MYO9A: variants seen among roughly 807,000 people sequenced by gnomAD.
The protein encoded by MYO9A is unconventional myosin-IXa.
Under a neutral mutation model 293.3 loss-of-function variants are expected in MYO9A, and 103 were observed. The ratio of observed to expected loss-of-function variants is 0.35; its 90% CI spans 0.30 to 0.41. MYO9A has a LOEUF of 0.41. MYO9A is among the 10% of genes least tolerant of loss of function. The pLI is 1.00. For missense variants in MYO9A, 2,685 were observed against 3,033.0 expected (o/e 0.89, Z 2.69); for synonymous variants, 1,001 against 1,035.7 (o/e 0.97, Z 0.64).
intron 4 of MYO9A, among the ~76,000 whole-genome samples, chr15:72,027,241 T>C (rs1462921129): frequency 6.6e-6 from 1 of 152,222 alleles, no homozygotes; most frequent in Non-Finnish European, 1.5e-5. Flanking sequence ...GCATACCCAA[T>C]ATTTGAATGG....
intron 6 of MYO9A, among the ~76,000 whole-genome samples, chr15:72,017,134 C>T (rs2077367722): frequency 6.7e-6 from 1 of 150,366 alleles, no homozygotes; most frequent in African/African-American, 2.4e-5. Context: ...AATCTGCCTG[C>T]CTCAGCCTCC....
intron 13 of MYO9A, among the ~76,000 whole-genome samples, chr15:71,966,303 T>TGTGTGTGTGTGC (rs2075875961): frequency 6.6e-6 from 1 of 151,570 alleles, no homozygotes; most frequent in Admixed American, 6.6e-5. Context: ...TGTGTGTGTG[T>TGTGTGTGTGTGC]GTGTATGATT....
intron 1 of MYO9A, among the ~76,000 whole-genome samples, chr15:72,079,768 T>C (rs2079483009): frequency 6.6e-6 from 1 of 152,232 alleles, no homozygotes; most frequent in South Asian, 2.1e-4. Flanking sequence ...TATTAGGTTT[T>C]ATACTACATT....
intron 1 of MYO9A, among the ~76,000 whole-genome samples, chr15:72,050,306 T>A (rs1387439053): frequency 6.6e-6 from 1 of 151,946 alleles, no homozygotes; most frequent in Non-Finnish European, 1.5e-5. Flanking sequence ...TCTGGGGAGC[T>A]TTTTCAAAAC....
In MYO9A at chr15:71,959,989, A is replaced by G; in HGVS notation, c.2094T>C (p.Ala698=). 1 of 1,614,136 alleles carries G rather than the reference A, an allele frequency of 6.2e-7. No individual in the cohort carries two copies. ...CTCGGAGAATTGCCCATCGGAAAAC[A>G]GCTACAGGATCAATTCCAATCATCC... ...ISGMIGIDPV[A]VFRWAILRAF... The change falls in exon 14 of 42, where the codon GCT becomes GCC. Residue 698 remains alanine, a synonymous_variant. Transcript: ENST00000356056.
chr15:72,019,146 C>A, intron 5 of MYO9A, 51 bp from the exon 6 acceptor site: 1 of 1,454,522 alleles, frequency 6.9e-7, no homozygotes, highest in South Asian at 1.1e-5. Flanking sequence ...TTATACTCTT[C>A]TAATGATCTC....
intron 12 of MYO9A, among the ~76,000 whole-genome samples, chr15:71,973,541 C>G (rs1005961666): frequency 6.6e-6 from 1 of 152,082 alleles, no homozygotes; most frequent in Non-Finnish European, 1.5e-5. Context: ...ATTCCCAAGG[C>G]AACAGCCAGC....
At chr15:72,026,122 A>C (rs915989520) in intron 4 of MYO9A, among the ~76,000 whole-genome samples, 3 of 151,824 alleles carry the variant, frequency 2.0e-5, no homozygotes, top group Non-Finnish European at 4.4e-5. Flanking sequence ...AAATACAAAA[A>C]ATTAGCCAGG....
At position 71,904,028 on chromosome 15, in the gene MYO9A, C is replaced by G. The variant is rs2057558461; in HGVS notation, c.2778G>C (p.Arg926Ser). The change falls in exon 21 of 42, where the codon AGG (arginine) becomes AGC (serine). Residue 926 changes from arginine to serine, a missense_variant. Coordinates refer to ENST00000356056, the MANE Select transcript of MYO9A (RefSeq NM_006901.4). ...GTCTAAGTACCAAGACATCACTGAA[C>G]CTTAAGGGCAGCTAAAGCAAATGGA... ...IRSNAEKLPL[R>S]FSDVLVLRQL... is the part of the protein sequence containing the mutation. The G allele has an allele frequency of 2.5e-6, 4 of 1,613,346 alleles. No individual in the cohort carries two copies. The highest frequency in any genetic ancestry group is 1.3e-5 in the African/African-American group (1 of 74,908).
Position 71,897,798 on chromosome 15 carries a change from C to T in MYO9A, c.4705G>A (p.Gly1569Arg), listed in dbSNP as rs766425428. The stretch of plus-strand genomic sequence containing the variant: ...AGGGACCCCAGTACATTAAGTTCTC[C>T]CTTATTTGAGGTATTTAAGCTGAGG... ...SLLSLNTSNK[G>R]ELNVLGSLSL... The change falls in exon 25 of 42, where the codon GGA (glycine) becomes AGA (arginine). Residue 1569 changes from glycine (G) to arginine (R), a missense_variant. Physicochemically the swap from Gly to Arg is moderately radical, Grantham distance 125. This residue lies in a region of MYO9A where 1,434 missense variants were observed against 1,497.7 expected (regional missense o/e 0.96). Coordinates refer to ENST00000356056, the MANE Select transcript of MYO9A (RefSeq NM_006901.4). The T allele has an allele frequency of 1.9e-6, 3 of 1,613,986 alleles. No individual in the cohort carries two copies. The highest frequency in any genetic ancestry group is 2.5e-6 in the Non-Finnish European group (3 of 1,180,000).
At chr15:71,956,860 A>ATATATATATAT (rs2059213708) in intron 14 of MYO9A, among the ~76,000 whole-genome samples, 5 of 140,330 alleles carry the variant, frequency 3.6e-5, no homozygotes, top group African/African-American at 1.3e-4. Flanking sequence ...CACACACACA[A>ATATATATATAT]ATATATATAT....
intron 12 of MYO9A, chr15:71,972,163 A>G (rs1290975536): frequency 6.6e-6 from 1 of 152,136 alleles, no homozygotes; most frequent in Admixed American, 6.6e-5. Context: ...AATAGTGCCT[A>G]TGTAATGAAG....
intron 5 of MYO9A, among the ~76,000 whole-genome samples, chr15:72,019,719 A>G (rs2077445428): frequency 6.6e-6 from 1 of 152,222 alleles, no homozygotes; most frequent in Non-Finnish European, 1.5e-5. Flanking sequence ...AACACACTGT[A>G]TTAACTTGGA....
At chr15:72,041,161 C>T in intron 2 of MYO9A, 4 of 923,204 alleles carry the variant, frequency 4.3e-6, no homozygotes, top group Non-Finnish European at 5.1e-6. Context: ...GGGAGAATTG[C>T]TTAAGCCAGG....
chr15:71,873,142 C>T (rs2056572987), intron 32 of MYO9A, among the ~76,000 whole-genome samples: 1 of 151,906 alleles, frequency 6.6e-6, no homozygotes, highest in Admixed American at 6.6e-5. Context: ...GTCTCGAACT[C>T]CCGACCTCAG....
intron 14 of MYO9A, among the ~76,000 whole-genome samples, chr15:71,955,799 T>C (rs976109100): frequency 6.6e-6 from 1 of 152,150 alleles, no homozygotes; most frequent in South Asian, 2.1e-4. Context: ...ATTTTGATCA[T>C]ACAAAAAGAT....
At chr15:72,010,300 A>G (rs755426901) in intron 7 of MYO9A, 50 bp downstream of exon 7, 3 of 1,479,770 alleles carry the variant, frequency 2.0e-6, no homozygotes, top group East Asian at 4.5e-5. Flanking sequence ...TTTCAAAGAC[A>G]TATCATGTGT....
intron 10 of MYO9A, among the ~76,000 whole-genome samples, chr15:71,994,054 A>T (rs1254237093): frequency 6.6e-6 from 1 of 152,140 alleles, no homozygotes; most frequent in East Asian, 1.9e-4. Flanking sequence ...CATTGTTTAT[A>T]ACAATAAAAC....
chr15:72,028,031 C>G (rs1286955862), intron 3 of MYO9A, among the ~76,000 whole-genome samples: 1 of 150,796 alleles, frequency 6.6e-6, no homozygotes, highest in Non-Finnish European at 1.5e-5. Flanking sequence ...AACCCCATCT[C>G]TAATAAAATA....
Sources: gnomAD v4.1 joint callset for allele counts (sites outside exome capture counted in the v4.1 genomes callset) on GRCh38, gnomAD v4.1.1 for gene constraint, gnomAD v4.1.1 regional missense constraint, MANE v1.5 for transcripts, NCBI Gene and HGNC (gene_info 2026-07-23, HGNC 2026-07-21) for gene names.